Variants in NPFFR2 observed in about 807,000 individuals in gnomAD.
The protein encoded by NPFFR2 is neuropeptide FF receptor 2.
In NPFFR2, 15 loss-of-function variants were observed where a neutral mutation model predicts 13.1. The ratio of observed to expected loss-of-function variants is 1.15; its 90% CI spans 0.77 to 1.76. The LOEUF is 1.76. NPFFR2 is among the 40% of genes most tolerant of loss of function. The pLI is 0.00. For synonymous variants in NPFFR2, 190 were observed against 175.7 expected (o/e 1.08, Z -0.65); for missense variants, 572 against 503.5 (o/e 1.14, Z -1.30).
intron 1 of NPFFR2, among the ~76,000 whole-genome samples, chr4:72,038,254 A>C (rs371692954): frequency 3.3e-5 from 5 of 152,316 alleles, no homozygotes; most frequent in Admixed American, 1.3e-4. Flanking sequence ...GATTTGTGTC[A>C]AAGCCCACTT....
intron 1 of NPFFR2, among the ~76,000 whole-genome samples, chr4:72,106,997 C>T (rs1323316209): frequency 6.6e-6 from 1 of 151,656 alleles, no homozygotes; most frequent in Non-Finnish European, 1.5e-5. Context: ...TAAAGTTGTC[C>T]CCATTTCTTG....
intron 1 of NPFFR2, among the ~76,000 whole-genome samples, chr4:72,115,889 C>G (rs1012449634): frequency 6.6e-6 from 1 of 152,092 alleles, no homozygotes; most frequent in African/African-American, 2.4e-5. Context: ...TTCTCACTTT[C>G]GAACAAGTCA....
chr4:72,064,679 A>C (rs1369923391), intron 1 of NPFFR2, among the ~76,000 whole-genome samples: 1 of 152,192 alleles, frequency 6.6e-6, no homozygotes, highest in East Asian at 1.9e-4. Context: ...AATTCCATCC[A>C]TCATGAGTGA....
intron 2 of NPFFR2, 112 bp from the exon 3 acceptor site, chr4:72,137,928 C>A: frequency 1.4e-6 from 1 of 737,568 alleles, no homozygotes; most frequent in South Asian, 1.7e-5. Context: ...TTTTCTCTGC[C>A]TATCATGTAG....
intron 1 of NPFFR2, among the ~76,000 whole-genome samples, chr4:72,116,892 T>C (rs1305591628): frequency 6.6e-6 from 1 of 152,100 alleles, no homozygotes; most frequent in Admixed American, 6.6e-5. Flanking sequence ...ACTGGACAGT[T>C]TCCCCCTCCT....
rs1340653089 is a variant in NPFFR2, at chr4:72,126,552, CTAT to C, written c.-7-2032_-7-2030del. 7.2e-5 allele frequency among the ~76,000 whole-genome samples: 11 copies of C among 152,334 alleles called. No individual in the cohort carries two copies. The East Asian group carries it at 2.1e-3, about 29-fold the overall frequency. ...TGGGAACTTAAATAATAAACACTTC[CTAT>C]ACTGATACACAGGTTTACTTAAATG... is the stretch of plus-strand genomic sequence containing the variant. On this transcript the variant is annotated intron_variant, in intron 1 of 3. Transcript: ENST00000308744.
chr4:72,108,505 C>G (rs1402714072), intron 1 of NPFFR2, among the ~76,000 whole-genome samples: 1 of 151,836 alleles, frequency 6.6e-6, no homozygotes, highest in Non-Finnish European at 1.5e-5. Context: ...ACACATTTCT[C>G]TAGTTATTAT....
chr4:72,067,248 A>G (rs372472566), intron 1 of NPFFR2, among the ~76,000 whole-genome samples: 6 of 152,160 alleles, frequency 3.9e-5, no homozygotes, highest in African/African-American at 1.4e-4. Context: ...GGCCCACTTT[A>G]GCCACCGCTG....
At chr4:72,065,091 G>GAA (rs560115744) in intron 1 of NPFFR2, among the ~76,000 whole-genome samples, 3 of 103,180 alleles carry the variant, frequency 2.9e-5, no homozygotes, top group Non-Finnish European at 4.2e-5. Context: ...GTTGCTCAGA[G>GAA]AAAAAAAAAA....
At chr4:72,062,257 T>G (rs980034385) in intron 1 of NPFFR2, among the ~76,000 whole-genome samples, 2 of 152,168 alleles carry the variant, frequency 1.3e-5, no homozygotes, top group Admixed American at 1.3e-4. Flanking sequence ...TCATTATATT[T>G]TACTTTTTCA....
intron 1 of NPFFR2, chr4:72,069,058 A>C: frequency 1.4e-6 from 1 of 720,208 alleles, no homozygotes; most frequent in Non-Finnish European, 2.1e-6. Context: ...TCTTTTGAAA[A>C]AGAGATAATA....
intron 1 of NPFFR2, among the ~76,000 whole-genome samples, chr4:72,061,409 A>T (rs7657617): frequency 1.3e-5 from 2 of 152,074 alleles, no homozygotes; most frequent in Non-Finnish European, 2.9e-5. Flanking sequence ...AGACAAACTG[A>T]CATAGTGGTT....
chr4:72,067,312 G>A (rs4434215), intron 1 of NPFFR2, among the ~76,000 whole-genome samples: 1 of 152,034 alleles, frequency 6.6e-6, no homozygotes, highest in East Asian at 1.9e-4. Flanking sequence ...TTACAGTAAC[G>A]TTGGGTGGAA....
chr4:72,072,434 A>G (rs1228541352), intron 1 of NPFFR2, among the ~76,000 whole-genome samples: 1 of 152,164 alleles, frequency 6.6e-6, no homozygotes, highest in African/African-American at 2.4e-5. Context: ...TGAAATGAAT[A>G]GTCACTAGAG....
In NPFFR2 at chr4:72,076,006, CAGAGAG is replaced by C. The variant is rs746172911; in HGVS notation, c.-8+43815_-8+43820del. Among the ~76,000 whole-genome samples, 448 of 122,812 alleles carry C rather than the reference CAGAGAG, an allele frequency of 3.6e-3. 10 individuals are homozygous for C. Among genetic ancestry groups the C allele is most frequent in the African/African-American group, 1.0e-2 (262 of 26,240 alleles). The allele number at this position is 122,812 out of a possible 152,430, so 80.6% of individuals were successfully genotyped here. ...ACACACACACACACACACACACACA[CAGAGAG>C]AGAGAGAGGGCAGACAGCACAAGCC... is the stretch of plus-strand genomic sequence containing the variant. On this transcript the variant is annotated intron_variant, in intron 1 of 3. Coordinates refer to ENST00000308744, the MANE Select transcript of NPFFR2 (RefSeq NM_004885.3).
Position 72,128,891 on chromosome 4 carries a change from T to G in NPFFR2, c.300T>G (p.Pro100=), listed in dbSNP as rs764581122. The G allele has an allele frequency of 6.2e-7, 1 of 1,612,654 alleles. No individual in the cohort carries two copies. Among genetic ancestry groups the G allele is most frequent in the South Asian group, 1.1e-5 (1 of 91,034 alleles). Residue 100 remains proline, a synonymous_variant, in exon 2 of 4, where the codon CCT becomes CCG. Transcript: ENST00000308744. The part of the protein sequence containing the change: ...SDLLVGIFCM[P]ITLLDNIIAG... ...TACTAGTTGGCATATTCTGCATGCCTATAACACTGCTGGACAATATTATAG... is the reference window on the plus strand; with the variant it reads ...TACTAGTTGGCATATTCTGCATGCCGATAACACTGCTGGACAATATTATAG...
chr4:72,032,098 A>G lies in NPFFR2; in HGVS notation c.-110A>G. The G allele has an allele frequency of 1.2e-6, 2 of 1,614,116 alleles. No homozygotes were observed. The highest frequency in any genetic ancestry group is 1.7e-6 in the Non-Finnish European group (2 of 1,179,980). On this transcript the variant is annotated 5_prime_UTR_variant, in exon 1 of 4. Coordinates refer to ENST00000308744, the MANE Select transcript of NPFFR2 (RefSeq NM_004885.3). ...AGACGTCGGCTGGGATTGAGCCGGC[A>G]GACTGCGAAAAGTAGCTGGAGCCGG...
intron 3 of NPFFR2, among the ~76,000 whole-genome samples, chr4:72,141,355 G>A (rs902751409): frequency 6.6e-6 from 1 of 152,148 alleles, no homozygotes; most frequent in Non-Finnish European, 1.5e-5. Context: ...TGATGTTAGG[G>A]TGTGGATTTT....
At chr4:72,085,872 T>C (rs997706293) in intron 1 of NPFFR2, among the ~76,000 whole-genome samples, 4 of 152,120 alleles carry the variant, frequency 2.6e-5, no homozygotes, top group Non-Finnish European at 5.9e-5. Context: ...ACAAGTTTAG[T>C]GTATATACAT....
Sources: allele counts gnomAD v4.1 joint callset (sites outside exome capture counted in the v4.1 genomes callset), GRCh38; gene constraint gnomAD v4.1.1; transcripts MANE v1.5; gene names NCBI Gene and HGNC (gene_info 2026-07-23, HGNC 2026-07-21).